The following PDE4D variants were observed in gnomAD, a reference collection of about 807,000 sequenced individuals.
PDE4D encodes the protein 3',5'-cyclic-AMP phosphodiesterase 4D.
A neutral mutation model predicts 87.4 loss-of-function variants in PDE4D; 24 were observed. The ratio of observed to expected loss-of-function variants is 0.27; its 90% CI spans 0.20 to 0.39. The LOEUF (loss-of-function observed/expected upper bound fraction) is 0.39. PDE4D is among the 10% of genes least tolerant of loss of function. The pLI is 1.00. For missense variants in PDE4D, 714 were observed against 1,041.0 expected, an observed-to-expected ratio of 0.69 and a Z score of 4.32; for synonymous variants, 384 against 383.2, an observed-to-expected ratio of 1.00 and a Z score of -0.02.
intron 1 of PDE4D, among the ~76,000 whole-genome samples, chr5:59,887,447 C>T (rs1750331919): frequency 6.6e-6 from 1 of 152,150 alleles, no homozygotes; most frequent in Admixed American, 6.6e-5. Flanking sequence ...GGTGTAATCC[C>T]TTAGCAACGT....
At position 60,043,038 on chromosome 5, in the gene PDE4D, A is replaced by T. The variant is rs1380738205; in HGVS notation, c.43-54321T>A. Among the ~76,000 whole-genome samples, 4 of 152,158 alleles carry T rather than the reference A, an allele frequency of 2.6e-5. No homozygotes were observed. The East Asian group carries it at 7.8e-4, about 30-fold the overall frequency. On this transcript the variant is annotated intron_variant, in intron 2 of 16. Coordinates refer to the PDE4D transcript ENST00000502484. ...TGTTCTAACCCAATGCAGAGAAGCT[A>T]AGAACACTGAAAAAAGGTGAGAGGA... is the stretch of plus-strand genomic sequence containing the variant.
chr5:60,418,491 ATTTG>A (rs1742812496), intron 1 of PDE4D, among the ~76,000 whole-genome samples: 1 of 149,578 alleles, frequency 6.7e-6, no homozygotes, highest in East Asian at 1.9e-4. Context: ...TGCTTATCTT[ATTTG>A]TTTTTTTGTT....
chr5:59,846,252 C>A (rs986357421), intron 1 of PDE4D, among the ~76,000 whole-genome samples: 3 of 151,980 alleles, frequency 2.0e-5, no homozygotes, highest in African/African-American at 7.2e-5. Flanking sequence ...TTGATAAGGA[C>A]AAAATTCTGC....
In PDE4D at chr5:60,243,365, G is replaced by C. The variant is rs537660944; in HGVS notation, c.-89-57678C>G. On this transcript the variant is annotated intron_variant, in intron 1 of 16. Transcript: ENST00000502484. ...GTAAAGAAAGGCTGTGTACCTGATG[G>C]CTTCACTGCTGAATTCTACCAGGCA... 3.9e-5 allele frequency among the ~76,000 whole-genome samples: 6 copies of C among 152,050 alleles called. 1 individual carries two copies. The South Asian group carries it at 8.3e-4, about 21-fold the overall frequency.
intron 1 of PDE4D, among the ~76,000 whole-genome samples, chr5:59,689,415 C>G (rs1026234021): frequency 2.6e-5 from 4 of 152,274 alleles, no homozygotes; most frequent in South Asian, 2.1e-4. Context: ...GCTGGTTCAA[C>G]ATATGCAAAT....
At chr5:59,143,570 C>A (rs1379515808) in intron 5 of PDE4D, among the ~76,000 whole-genome samples, 1 of 152,122 alleles carries the variant, frequency 6.6e-6, no homozygotes, top group East Asian at 1.9e-4. Flanking sequence ...ATAATATGTA[C>A]ATGAAAAACT....
intron 1 of PDE4D, among the ~76,000 whole-genome samples, chr5:59,845,196 G>C (rs940362000): frequency 7.2e-5 from 11 of 152,138 alleles, no homozygotes; most frequent in East Asian, 1.9e-4. Flanking sequence ...CCTGACCCAG[G>C]GAAAACATGA....
At chr5:59,536,427 C>T (rs893790423) in intron 1 of PDE4D, among the ~76,000 whole-genome samples, 2 of 142,714 alleles carry the variant, frequency 1.4e-5, no homozygotes, top group Non-Finnish European at 3.0e-5. Flanking sequence ...ATGGCGTGAA[C>T]CCGGGAGGCG....
At chr5:59,655,681 G>A (rs1466974205) in intron 1 of PDE4D, among the ~76,000 whole-genome samples, 1 of 152,100 alleles carries the variant, frequency 6.6e-6, no homozygotes, top group African/African-American at 2.4e-5. Flanking sequence ...GTTGATAAGT[G>A]GAAAAGAGGG....
At chr5:59,204,931 T>C (rs1233491926) in intron 2 of PDE4D, among the ~76,000 whole-genome samples, 1 of 152,222 alleles carries the variant, frequency 6.6e-6, no homozygotes, top group Non-Finnish European at 1.5e-5. Context: ...GAGCAATGTG[T>C]TTTATGAATG....
intron 1 of PDE4D, among the ~76,000 whole-genome samples, chr5:60,409,384 G>A (rs1741851714): frequency 6.6e-6 from 1 of 152,130 alleles, no homozygotes; most frequent in Non-Finnish European, 1.5e-5. Context: ...GGGGCAGAGG[G>A]GGTGAGAATT....
intron 1 of PDE4D, among the ~76,000 whole-genome samples, chr5:60,371,276 T>A (rs965464325): frequency 6.6e-6 from 1 of 152,180 alleles, no homozygotes; most frequent in Non-Finnish European, 1.5e-5. Context: ...TATTGTATCA[T>A]CATTCCCATG....
At chr5:59,037,386 T>C (rs1758709804) in intron 6 of PDE4D, among the ~76,000 whole-genome samples, 1 of 152,196 alleles carries the variant, frequency 6.6e-6, no homozygotes, top group African/African-American at 2.4e-5. Flanking sequence ...GTGCTCCCAT[T>C]TAGCAGTTAG....
chr5:59,135,184 G>T (rs555538323), intron 5 of PDE4D, among the ~76,000 whole-genome samples: 1 of 152,310 alleles, frequency 6.6e-6, no homozygotes, highest in South Asian at 2.1e-4. Context: ...AAGGCTGGTG[G>T]TCTGAGGAGA....
At chr5:60,035,283 G>T (rs768221978) in intron 2 of PDE4D, among the ~76,000 whole-genome samples, 6 of 150,582 alleles carry the variant, frequency 4.0e-5, no homozygotes, top group African/African-American at 1.5e-4. Flanking sequence ...GCATACTTGT[G>T]TATACTGATT....
At chr5:59,162,398 T>C (rs1781235093) in intron 5 of PDE4D, among the ~76,000 whole-genome samples, 1 of 148,458 alleles carries the variant, frequency 6.7e-6, no homozygotes, top group Admixed American at 6.6e-5. Flanking sequence ...CAGAACCTAA[T>C]AAATTCTTGT....
At chr5:59,213,106 TCTTCTC>T (rs1335666301) in intron 2 of PDE4D, among the ~76,000 whole-genome samples, 2 of 151,138 alleles carry the variant, frequency 1.3e-5, no homozygotes, top group African/African-American at 4.9e-5. Flanking sequence ...CTTTTACTCT[TCTTCTC>T]CTTCTCCTTC....
chr5:60,319,898 G>T lies in PDE4D; in HGVS notation c.-89-134211C>A, dbSNP rs186507101. Among the ~76,000 whole-genome samples the T allele has an allele frequency of 6.5e-3, 984 of 152,310 alleles. 6 individuals are homozygous for T. Among genetic ancestry groups the T allele is most frequent in the African/African-American group, 0.022 (913 of 41,562 alleles). ...TGAGGTGTCAGTCTGCCCCTACTGG[G>T]GGGTACCTCCCAGTTAGGCTACTGG... On this transcript the variant is annotated intron_variant, in intron 1 of 16. Transcript: ENST00000502484.
intron 1 of PDE4D, among the ~76,000 whole-genome samples, chr5:59,590,336 A>G (rs555028197): frequency 1.3e-5 from 2 of 152,190 alleles, no homozygotes; most frequent in African/African-American, 4.8e-5. Flanking sequence ...GGGTAATGCT[A>G]ATCTATTTTG....
Sources: allele counts gnomAD v4.1 joint callset (sites outside exome capture counted in the v4.1 genomes callset), GRCh38; gene constraint gnomAD v4.1.1; transcripts MANE v1.5; gene names NCBI Gene and HGNC (gene_info 2026-07-23, HGNC 2026-07-21).